FER1L6: variants seen among roughly 807,000 people sequenced by gnomAD.
FER1L6 encodes the protein fer-1-like protein 6.
In FER1L6, 177 loss-of-function variants were observed where a neutral mutation model predicts 219.2. The ratio of observed to expected loss-of-function variants is 0.81; its 90% CI spans 0.71 to 0.91. The LOEUF (loss-of-function observed/expected upper bound fraction) is 0.91, where lower values mean the gene tolerates loss of function less well. Among genes scored for constraint, FER1L6 ranks in the 40% least tolerant of loss-of-function variants. FER1L6 has a pLI of 0.00. For synonymous variants in FER1L6, 768 were observed against 824.3 expected (o/e 0.93, Z 1.17); for missense variants, 2,153 against 2,259.9 (o/e 0.95, Z 0.96).
chr8:123,970,088 C>CA lies in FER1L6; in HGVS notation c.442dup (p.Ile148AsnfsTer44). 1 of 1,613,836 alleles carries CA rather than the reference C, an allele frequency of 6.2e-7. No individual in the cohort carries two copies. The highest frequency in any genetic ancestry group is 8.5e-7 in the Non-Finnish European group (1 of 1,179,804). ...AAGTGCATCTTTTTGACAAGATCAT[C>CA]AAAATCTCCGTAAGTATAGCATTGG... On this transcript the variant is annotated frameshift_variant, in exon 6 of 41. Coordinates refer to ENST00000522917, the MANE Select transcript of FER1L6 (RefSeq NM_001039112.2). LOFTEE classifies it high-confidence loss of function.
chr8:123,947,814 T>C (rs936492657), intron 1 of FER1L6, among the ~76,000 whole-genome samples: 1 of 152,194 alleles, frequency 6.6e-6, no homozygotes, highest in African/African-American at 2.4e-5. Flanking sequence ...TGTTGCTCCA[T>C]TGCAAAACTG....
intron 22 of FER1L6, among the ~76,000 whole-genome samples, 186 bp downstream of exon 22, chr8:124,049,942 C>T (rs1293890018): frequency 6.6e-6 from 1 of 152,164 alleles, no homozygotes; most frequent in Non-Finnish European, 1.5e-5. Context: ...TCCCAGATAC[C>T]CTGAGCTTAT....
chr8:124,035,127 T>C (rs1313966646), intron 18 of FER1L6, 150 bp from the exon 19 acceptor site: 2 of 768,014 alleles, frequency 2.6e-6, no homozygotes, highest in Non-Finnish European at 4.1e-6. Flanking sequence ...TTGGGGCCAT[T>C]GTCTTTATTT....
chr8:124,106,006 G>T (rs1822755459), intron 39 of FER1L6, among the ~76,000 whole-genome samples: 2 of 152,138 alleles, frequency 1.3e-5, no homozygotes, highest in African/African-American at 4.8e-5. Flanking sequence ...AGGGTAGAAG[G>T]GGAATGGGGA....
At chr8:123,867,440 C>T (rs570440593) in intron 1 of FER1L6, among the ~76,000 whole-genome samples, 1 of 152,232 alleles carries the variant, frequency 6.6e-6, no homozygotes, top group East Asian at 1.9e-4. Flanking sequence ...CTGACTCTGA[C>T]CCCAGTGTTC....
At chr8:123,981,982 C>T (rs1816344429) in intron 11 of FER1L6, among the ~76,000 whole-genome samples, 1 of 152,156 alleles carries the variant, frequency 6.6e-6, no homozygotes, top group Admixed American at 6.5e-5. Flanking sequence ...CTATTCAGAG[C>T]TTTCCAATCT....
At chr8:123,957,924 G>T (rs575675035) in intron 2 of FER1L6, among the ~76,000 whole-genome samples, 66 of 152,336 alleles carry the variant, frequency 4.3e-4, no homozygotes, top group African/African-American at 1.6e-3. Context: ...CAGAGACTTT[G>T]GTCTTGCCTT....
intron 37 of FER1L6, among the ~76,000 whole-genome samples, chr8:124,100,557 C>G (rs1408298660): frequency 3.9e-5 from 6 of 152,136 alleles, no homozygotes; most frequent in Admixed American, 3.3e-4. Flanking sequence ...CATGCCACAC[C>G]AATCCAGGCC....
intron 1 of FER1L6, among the ~76,000 whole-genome samples, chr8:123,879,208 C>T (rs1478730691): frequency 2.0e-5 from 3 of 152,108 alleles, no homozygotes; most frequent in South Asian, 2.1e-4. Context: ...GAGGCTGAAG[C>T]GGGAAGATCA....
intron 24 of FER1L6, among the ~76,000 whole-genome samples, chr8:124,061,571 C>G (rs10094533): frequency 0.82 from 124,867 of 152,072 alleles, 51,408 homozygotes; most frequent in Non-Finnish European, 0.86. Context: ...CAGATAATGA[C>G]AAAATAAAGA....
intron 1 of FER1L6, among the ~76,000 whole-genome samples, chr8:123,901,261 A>T (rs1228232398): frequency 6.6e-6 from 1 of 152,206 alleles, no homozygotes; most frequent in Non-Finnish European, 1.5e-5. Context: ...GAATTAATCC[A>T]TCTCTTCCAG....
intron 2 of FER1L6, 119 bp downstream of exon 2, chr8:123,956,193 C>G: frequency 1.1e-6 from 1 of 926,080 alleles, no homozygotes; most frequent in Non-Finnish European, 1.7e-6. Context: ...AATGTGCTGC[C>G]CCCGACCCTT....
chr8:123,983,492 A>G (rs1392030339), intron 11 of FER1L6, among the ~76,000 whole-genome samples: 1 of 152,248 alleles, frequency 6.6e-6, no homozygotes, highest in African/African-American at 2.4e-5. Flanking sequence ...GGTATGAAAT[A>G]TAAATGTAAC....
chr8:124,070,231 T>G (rs959108847), intron 29 of FER1L6, among the ~76,000 whole-genome samples: 1 of 152,226 alleles, frequency 6.6e-6, no homozygotes, highest in African/African-American at 2.4e-5. Context: ...TACAATTTTT[T>G]AAATTTACCT....
chr8:123,884,273 A>G (rs1817160760), intron 1 of FER1L6, among the ~76,000 whole-genome samples: 1 of 152,232 alleles, frequency 6.6e-6, no homozygotes, highest in African/African-American at 2.4e-5. Context: ...ATGGTCCTCC[A>G]ATCTTAGGAT....
At chr8:124,106,053 AAAG>A (rs1375908150) in intron 39 of FER1L6, among the ~76,000 whole-genome samples, 2 of 152,222 alleles carry the variant, frequency 1.3e-5, no homozygotes, top group Non-Finnish European at 2.9e-5. Context: ...GGTGATTAAA[AAAG>A]AAGTTCTGAA....
chr8:123,903,622 T>C (rs1586452149), intron 1 of FER1L6, among the ~76,000 whole-genome samples: 2 of 152,358 alleles, frequency 1.3e-5, no homozygotes, highest in Admixed American at 1.3e-4. Context: ...GCTGCACTTT[T>C]TTTTTTCCTA....
rs1812715967 is a variant in FER1L6 at position 123,894,563 on chromosome 8, G to A, written c.-8+42378G>A. 2.0e-5 allele frequency among the ~76,000 whole-genome samples: 3 copies of A among 152,186 alleles called. No homozygotes were observed. The East Asian group carries it at 5.8e-4, about 29-fold the overall frequency. ...ATTGTAAAATGCTCATTAAAACACGGGTACATGTTCTCTAGCATTGTTCAC... is the reference window on the plus strand; with the variant it reads ...ATTGTAAAATGCTCATTAAAACACGAGTACATGTTCTCTAGCATTGTTCAC... On this transcript the variant is annotated intron_variant, in intron 1 of 40. Transcript: ENST00000522917.
chr8:123,896,509 A>G (rs1287825401), intron 1 of FER1L6, among the ~76,000 whole-genome samples: 4 of 152,148 alleles, frequency 2.6e-5, no homozygotes, highest in Non-Finnish European at 4.4e-5. Context: ...TGATTCTGGA[A>G]AGATTTTTGG....
Sources: allele counts gnomAD v4.1 joint callset (sites outside exome capture counted in the v4.1 genomes callset), GRCh38; gene constraint gnomAD v4.1.1; transcripts MANE v1.5; gene names NCBI Gene and HGNC (gene_info 2026-07-23, HGNC 2026-07-21).